Variants in WIPI1 observed in about 807,000 individuals in gnomAD.
WIPI1 encodes the protein WD repeat domain phosphoinositide-interacting protein 1.
A neutral mutation model predicts 55.3 loss-of-function variants in WIPI1; 45 were observed. That is an observed-to-expected ratio of 0.81 (90% CI 0.64 to 1.04). The LOEUF (loss-of-function observed/expected upper bound fraction) is 1.04. WIPI1 is among the 50% of genes least tolerant of loss of function. WIPI1 has a pLI of 0.00. For synonymous variants in WIPI1, 195 were observed against 217.6 expected (o/e 0.90, Z 0.92); for missense variants, 445 against 559.0 (o/e 0.80, Z 2.06).
At chr17:68,446,582 G>T (rs1219785581) in intron 3 of WIPI1, among the ~76,000 whole-genome samples, 1 of 152,148 alleles carries the variant, frequency 6.6e-6, no homozygotes, top group Admixed American at 6.5e-5. Flanking sequence ...AAATATGAGT[G>T]TTCCTCTGTG....
At chr17:68,427,458 G>A in intron 10 of WIPI1, 1 of 381,928 alleles carries the variant, frequency 2.6e-6, no homozygotes, top group Non-Finnish European at 4.8e-6. Context: ...CTGGGTTCAA[G>A]CGATTCTCCT....
chr17:68,444,008 T>C (rs2084184196), intron 4 of WIPI1, among the ~76,000 whole-genome samples: 1 of 152,224 alleles, frequency 6.6e-6, no homozygotes, highest in South Asian at 2.1e-4. Flanking sequence ...AGGTTTAATA[T>C]CCTAGCATAT....
At chr17:68,427,055 G>A (rs2083242830) in intron 11 of WIPI1, 80 bp downstream of exon 11, 3 of 1,191,540 alleles carry the variant, frequency 2.5e-6, no homozygotes, top group Non-Finnish European at 1.2e-6. Flanking sequence ...AGTGAAGGGG[G>A]AAGGGGAGGG....
At chr17:68,437,860 T>G (rs1307174331) in intron 4 of WIPI1, among the ~76,000 whole-genome samples, 1 of 144,652 alleles carries the variant, frequency 6.9e-6, no homozygotes, top group Non-Finnish European at 1.5e-5. Context: ...TGAATAGAGG[T>G]GCACATGATA....
At position 68,430,299 on chromosome 17, in the gene WIPI1, G is replaced by A. The variant is rs139339033; in HGVS notation, c.801-139C>T. 5.4e-5 allele frequency: 43 copies of A among 801,566 alleles called. No individual in the cohort carries two copies. The African/African-American group carries it at 5.5e-4, about 10-fold the overall frequency. The allele number at this position is 801,566 out of a possible 1,614,324, so 49.7% of individuals were successfully genotyped here. On this transcript the variant is annotated intron_variant, in intron 8 of 12. Coordinates refer to ENST00000262139, the MANE Select transcript of WIPI1 (RefSeq NM_017983.7). The stretch of plus-strand genomic sequence containing the variant: ...GCCTTAGCATAATGTTCTGCCCACT[G>A]AGAACAATCCAGGACGTATTATTCT...
In WIPI1 at chr17:68,436,497, G is replaced by C. The variant is rs1568636235; in HGVS notation, c.431-18C>G. Reference sequence around the variant, plus strand: ...ACATAGACCTGGCAAAGAAGAAACAGAACATGAGAAGCCTGGGGCCAAGGG... The same window carrying C: ...ACATAGACCTGGCAAAGAAGAAACACAACATGAGAAGCCTGGGGCCAAGGG... On this transcript the variant is annotated intron_variant, in intron 4 of 12. Transcript: ENST00000262139. 6.2e-7 allele frequency: 1 copy of C among 1,610,058 alleles called. No individual in the cohort carries two copies. The highest frequency in any genetic ancestry group is 2.2e-5 in the East Asian group (1 of 44,840).
intron 3 of WIPI1, among the ~76,000 whole-genome samples, chr17:68,449,016 G>A (rs944224720): frequency 3.9e-5 from 6 of 152,162 alleles, no homozygotes; most frequent in Non-Finnish European, 8.8e-5. Context: ...ATTTGAAAGA[G>A]TTGATCAATT....
chr17:68,439,320 T>A (rs1193724123), intron 4 of WIPI1, among the ~76,000 whole-genome samples: 1 of 152,198 alleles, frequency 6.6e-6, no homozygotes, highest in African/African-American at 2.4e-5. Context: ...TATTGATACA[T>A]GCTACAACAC....
intron 1 of WIPI1, among the ~76,000 whole-genome samples, chr17:68,456,423 C>G (rs1388993090): frequency 1.3e-5 from 2 of 152,186 alleles, no homozygotes; most frequent in Non-Finnish European, 2.9e-5. Context: ...AATCGGTCAT[C>G]CCCGCCTGAT....
rs778612490 is a variant in WIPI1, at chr17:68,427,123, G to A, written c.1192+12C>T. 35 of 1,609,338 alleles carry A rather than the reference G, an allele frequency of 2.2e-5. No homozygotes were observed. Among genetic ancestry groups the A allele is most frequent in the African/African-American group, 9.4e-5 (7 of 74,696 alleles). On this transcript the variant is annotated intron_variant, in intron 11 of 12. Transcript: ENST00000262139. ...TTGGAGATGCTCCCCTGTTGGCCCC[G>A]TGTCCACCCACCTGGCACCGTGGAG...
intron 4 of WIPI1, among the ~76,000 whole-genome samples, chr17:68,437,957 A>AAAAAAAAAAAAAAG (rs2083897704): frequency 6.8e-6 from 1 of 148,128 alleles, no homozygotes; most frequent in Non-Finnish European, 1.5e-5. Context: ...TTAAAAAAAA[A>AAAAAAAAAAAAAAG]AAAAAAAAAA....
intron 4 of WIPI1, among the ~76,000 whole-genome samples, chr17:68,440,317 A>G (rs184860568): frequency 6.6e-6 from 1 of 152,364 alleles, no homozygotes; most frequent in East Asian, 1.9e-4. Flanking sequence ...GTATCTTGGG[A>G]ACCACCCAAG....
Position 68,423,352 on chromosome 17 carries a change from T to C in WIPI1, c.1294-1532A>G, listed in dbSNP as rs562548006. Among the ~76,000 whole-genome samples, 9 of 152,286 alleles carry C rather than the reference T, an allele frequency of 5.9e-5. No homozygotes were observed. Among genetic ancestry groups the C allele is most frequent in the African/African-American group, 2.2e-4 (9 of 41,558 alleles). Reference sequence around the variant, plus strand: ...AGCATGCATGCCTCTGGTCCTTACATGGTGAGATGGAGAAGCCTGCCTGCT... The same window carrying C: ...AGCATGCATGCCTCTGGTCCTTACACGGTGAGATGGAGAAGCCTGCCTGCT... On this transcript the variant is annotated intron_variant, in intron 12 of 12. Coordinates refer to ENST00000262139, the MANE Select transcript of WIPI1 (RefSeq NM_017983.7). The surrounding 1 kb of genome is among the most constrained non-coding windows in gnomAD (Gnocchi z 4.4).
intron 4 of WIPI1, 27 bp from the exon 5 acceptor site, chr17:68,436,506 A>G (rs2083793340): frequency 2.5e-6 from 4 of 1,605,626 alleles, no homozygotes; most frequent in Non-Finnish European, 3.4e-6. Flanking sequence ...AGAACATGAG[A>G]AGCCTGGGGC....
intron 3 of WIPI1, among the ~76,000 whole-genome samples, chr17:68,448,138 C>A (rs1272797646): frequency 6.6e-6 from 1 of 152,102 alleles, no homozygotes; most frequent in Non-Finnish European, 1.5e-5. Flanking sequence ...TAGAACAGGA[C>A]ACACTCCCCT....
intron 3 of WIPI1, among the ~76,000 whole-genome samples, chr17:68,450,469 C>A (rs937517195): frequency 1.1e-4 from 16 of 152,164 alleles, no homozygotes; most frequent in African/African-American, 3.9e-4. Flanking sequence ...CCAATCTGTA[C>A]CCTAGGGAGA....
chr17:68,449,350 C>T (rs2084407053), intron 3 of WIPI1, among the ~76,000 whole-genome samples: 1 of 152,202 alleles, frequency 6.6e-6, no homozygotes, highest in Non-Finnish European at 1.5e-5. Context: ...AGTAATTTGG[C>T]CAAGCGTGGT....
Position 68,430,083 on chromosome 17 carries a change from T to C in WIPI1, c.878A>G (p.Gln293Arg). 6.2e-7 allele frequency: 1 copy of C among 1,614,166 alleles called. No homozygotes were observed. Among genetic ancestry groups the C allele is most frequent in the South Asian group, 1.1e-5 (1 of 91,092 alleles). The stretch of plus-strand genomic sequence containing the variant: ...GTCCTGATGCATCATGTCTGACACC[T>C]GGGTAGGGAGGTAGTTGGTAGCAGC... Reference protein sequence around the residue: ...FMAATNYLPTQVSDMMHQDRA... With the variant: ...FMAATNYLPTRVSDMMHQDRA... The change falls in exon 9 of 13, where the codon CAG becomes CGG. Residue 293 changes from glutamine to arginine, a missense_variant. Gln to Arg is a conservative substitution (Grantham distance 43). Coordinates refer to ENST00000262139, the MANE Select transcript of WIPI1 (RefSeq NM_017983.7).
At chr17:68,453,629 C>A (rs544258843) in intron 1 of WIPI1, among the ~76,000 whole-genome samples, 56 of 152,112 alleles carry the variant, frequency 3.7e-4, no homozygotes, top group African/African-American at 1.3e-3. Flanking sequence ...CAGGCATGCA[C>A]CACCACGCCA....
Sources: allele counts gnomAD v4.1 joint callset (sites outside exome capture counted in the v4.1 genomes callset), GRCh38; gene constraint gnomAD v4.1.1; non-coding constraint Gnocchi (gnomAD v3.1); transcripts MANE v1.5; gene names NCBI Gene and HGNC (gene_info 2026-07-23, HGNC 2026-07-21).